WDR59: variants seen among roughly 807,000 people sequenced by gnomAD.
WDR59 encodes the protein WD repeat domain 59.
WDR59 carries 100 observed loss-of-function variants against 131.2 expected under a neutral mutation model. The observed-to-expected ratio is 0.76, with a 90% CI of 0.65 to 0.90. WDR59 has a LOEUF of 0.90. Among genes scored for constraint, WDR59 ranks in the 40% least tolerant of loss-of-function variants. WDR59 has a pLI of 0.00. For synonymous variants in WDR59, 601 were observed against 466.2 expected (o/e 1.29, Z -3.72); for missense variants, 1,203 against 1,262.2 (o/e 0.95, Z 0.71).
At chr16:74,953,598 A>C (rs1340638242) in intron 3 of WDR59, among the ~76,000 whole-genome samples, 1 of 152,208 alleles carries the variant, frequency 6.6e-6, no homozygotes, top group Non-Finnish European at 1.5e-5. Context: ...AATCAACAAA[A>C]GGGAAGAAAA....
intron 1 of WDR59, among the ~76,000 whole-genome samples, chr16:74,981,630 A>G (rs1363151820): frequency 3.7e-4 from 1 of 2,678 alleles, no homozygotes; most frequent in Non-Finnish European, 1.1e-3. Context: ...ATATATATAT[A>G]TATATATATA....
chr16:74,922,586 G>C (rs1030557566), intron 9 of WDR59, among the ~76,000 whole-genome samples: 1 of 152,136 alleles, frequency 6.6e-6, no homozygotes, highest in Non-Finnish European at 1.5e-5. Flanking sequence ...CACTGCAACT[G>C]CTCAAAGGAA....
chr16:74,928,554 C>A (rs1331898821), intron 8 of WDR59, among the ~76,000 whole-genome samples: 3 of 151,876 alleles, frequency 2.0e-5, no homozygotes, highest in Non-Finnish European at 2.9e-5. Context: ...ATTTACCTTA[C>A]GTGGGATAGC....
chr16:74,945,208 G>A (rs1056922168), intron 6 of WDR59, among the ~76,000 whole-genome samples: 1 of 152,142 alleles, frequency 6.6e-6, no homozygotes, highest in Non-Finnish European at 1.5e-5. Flanking sequence ...CGGGCGAAGA[G>A]GCTCACGCCT....
At chr16:74,898,665 G>C (rs1376381404) in intron 18 of WDR59, among the ~76,000 whole-genome samples, 1 of 152,236 alleles carries the variant, frequency 6.6e-6, no homozygotes, top group Non-Finnish European at 1.5e-5. Flanking sequence ...AGGCAACATT[G>C]ATGCCAATAA....
chr16:74,924,954 C>T (rs1214811504), intron 8 of WDR59, among the ~76,000 whole-genome samples: 1 of 152,072 alleles, frequency 6.6e-6, no homozygotes, highest in Non-Finnish European at 1.5e-5. Context: ...TAAAAGTACA[C>T]ATACCATATG....
intron 6 of WDR59, among the ~76,000 whole-genome samples, chr16:74,944,275 G>C (rs1403235342): frequency 6.6e-6 from 1 of 152,048 alleles, no homozygotes. Flanking sequence ...AGACCAGCCT[G>C]GCAAACATGG....
intron 17 of WDR59, among the ~76,000 whole-genome samples, chr16:74,906,460 A>G (rs192733388): frequency 1.3e-5 from 2 of 152,200 alleles, no homozygotes; most frequent in African/African-American, 4.8e-5. Context: ...TGGCACAACC[A>G]CTGTGCACAA....
intron 13 of WDR59, chr16:74,915,630 G>A (rs988554471): frequency 5.4e-6 from 2 of 369,734 alleles, no homozygotes; most frequent in Non-Finnish European, 9.9e-6. Context: ...TGGCCAGGCT[G>A]GTCTCAAACT....
intron 18 of WDR59, among the ~76,000 whole-genome samples, chr16:74,897,124 G>A (rs1965334015): frequency 1.3e-5 from 2 of 152,182 alleles, no homozygotes; most frequent in Admixed American, 6.5e-5. Context: ...GGATTCCAGC[G>A]ATGCCTGTCC....
Position 74,896,386 on chromosome 16 carries a change from T to A in WDR59, c.1867-2574A>T, listed in dbSNP as rs115795029. Among the ~76,000 whole-genome samples, 1,299 of 152,312 alleles carry A rather than the reference T, an allele frequency of 8.5e-3. 18 individuals carry two copies. The highest frequency in any genetic ancestry group is 0.029 in the African/African-American group (1,221 of 41,570). ...GGCTCACACCTGTAATCCCACTCTT[T>A]GGGAGGCCAAGGCAGGCAGATCACC... On this transcript the variant is annotated intron_variant, in intron 18 of 25. Transcript: ENST00000262144.
chr16:74,911,650 G>A lies in WDR59; in HGVS notation c.1389+548C>T, dbSNP rs367745859. Among the ~76,000 whole-genome samples, 26 of 152,296 alleles carry A rather than the reference G, an allele frequency of 1.7e-4. 2 individuals carry two copies. The highest frequency in any genetic ancestry group is 1.0e-3 in the South Asian group (5 of 4,820). On this transcript the variant is annotated intron_variant, in intron 14 of 25. Transcript: ENST00000262144. ...CACCTACTGTGCAGCTAGCCAGCCT[G>A]TCTCTAGGATAACACCAGCTCCTTC...
At chr16:74,922,765 T>C (rs2030373838) in intron 9 of WDR59, among the ~76,000 whole-genome samples, 1 of 152,218 alleles carries the variant, frequency 6.6e-6, no homozygotes, top group South Asian at 2.1e-4. Flanking sequence ...TCTTGGACTT[T>C]TCTGTTTATT....
In WDR59 at chr16:74,886,263, T is replaced by C; in HGVS notation, c.2546+7A>G. ...GCATTGCAGCTCTCACCTGGGAGGG[T>C]GGTTACCTTTTATTTTTATCATGCT... On this transcript the variant is annotated splice_region_variant and intron_variant, in intron 24 of 25. Transcript: ENST00000262144. 2 of 1,597,630 alleles carry C rather than the reference T, an allele frequency of 1.3e-6. No homozygotes were observed. Among genetic ancestry groups the C allele is most frequent in the African/African-American group, 1.4e-5 (1 of 72,524 alleles).
intron 3 of WDR59, 125 bp downstream of exon 3, chr16:74,956,350 C>T (rs781776599): frequency 2.0e-5 from 26 of 1,283,668 alleles, no homozygotes; most frequent in South Asian, 5.7e-5. Context: ...TTTCTCAGAA[C>T]CATCCAAACC....
chr16:74,874,228 A>G lies in WDR59; in HGVS notation c.2906T>C (p.Leu969Pro). 3 of 1,614,060 alleles carry G rather than the reference A, an allele frequency of 1.9e-6. No individual in the cohort carries two copies. Among genetic ancestry groups the G allele is most frequent in the South Asian group, 1.1e-5 (1 of 91,076 alleles). ...VCPTGCGCHC[L>P]LESTF The stretch of plus-strand genomic sequence containing the variant: ...GTAGGTTCAGAAAGTGCTTTCAAGC[A>G]GGCAGTGGCACCCACACCCGGTGGG... Residue 969 changes from leucine to proline, a missense_variant, in exon 26 of 26, where the codon CTG becomes CCG. Leu to Pro is a moderately conservative substitution (Grantham distance 98, BLOSUM62 -3). Coordinates refer to ENST00000262144, the MANE Select transcript of WDR59 (RefSeq NM_030581.4).
rs763664139 is a variant in WDR59 at position 74,912,266 on chromosome 16, C to T, written c.1321G>A (p.Ala441Thr). 4 of 1,614,036 alleles carry T rather than the reference C, an allele frequency of 2.5e-6. No individual in the cohort carries two copies. Among genetic ancestry groups the T allele is most frequent in the East Asian group, 2.2e-5 (1 of 44,898 alleles). The change falls in exon 14 of 26, where the codon GCC becomes ACC. Residue 441 changes from alanine to threonine, a missense_variant. Physicochemically the swap from Ala to Thr is moderately conservative, Grantham distance 58. Transcript: ENST00000262144. ...VKFPAQYPNN[A>T]APSFQFINPT... is the part of the protein sequence containing the mutation. Reference sequence around the variant, plus strand: ...TTAATAAACTGGAAGGAAGGGGCGGCGTTGTTTGGGTACTGTGCAGGGAAC... The same window carrying T: ...TTAATAAACTGGAAGGAAGGGGCGGTGTTGTTTGGGTACTGTGCAGGGAAC...
chr16:74,951,494 A>G lies in WDR59; in HGVS notation c.290T>C (p.Val97Ala). The change falls in exon 4 of 26, where the codon GTT becomes GCT. Residue 97 changes from valine to alanine, a missense_variant. Physicochemically the swap from Val to Ala is moderately conservative, Grantham distance 64 (BLOSUM62 0). Coordinates refer to ENST00000262144, the MANE Select transcript of WDR59 (RefSeq NM_030581.4). ...AGTGTGGCCTTGTAAGGTTGTGCCA[A>G]CTTCCCCACTGCCGTCTTTCCACTT... ...LYKWKDGSGE[V>A]GTTLQGHTRV... 5 of 1,603,424 alleles carry G rather than the reference A, an allele frequency of 3.1e-6. No individual in the cohort carries two copies. Among genetic ancestry groups the G allele is most frequent in the Non-Finnish European group, 4.3e-6 (5 of 1,175,554 alleles).
Position 74,888,224 on chromosome 16 carries a change from G to A in WDR59, c.2291C>T (p.Pro764Leu). The A allele has an allele frequency of 6.2e-7, 1 of 1,614,084 alleles. No homozygotes were observed. The highest frequency in any genetic ancestry group is 8.5e-7 in the Non-Finnish European group (1 of 1,180,012). ...AGAACGGTTAGGAAAAGGCCCAAAGGGGTTTGGTAGCCCCTGAGGCCGAGA... is the reference window on the plus strand; with the variant it reads ...AGAACGGTTAGGAAAAGGCCCAAAGAGGTTTGGTAGCCCCTGAGGCCGAGA... ...AQSRPQGLPNPFGPFPNRSSN... is the reference protein window; with the variant it reads ...AQSRPQGLPNLFGPFPNRSSN... Residue 764 changes from proline (P) to leucine (L), a missense_variant, in exon 22 of 26, where the codon CCC becomes CTC. Pro to Leu is a moderately conservative substitution (Grantham distance 98). Transcript: ENST00000262144.
Sources: allele counts gnomAD v4.1 joint callset (sites outside exome capture counted in the v4.1 genomes callset), GRCh38; gene constraint gnomAD v4.1.1; transcripts MANE v1.5; gene names NCBI Gene and HGNC (gene_info 2026-07-23, HGNC 2026-07-21).